Variants in ATP8A2 observed in about 807,000 individuals in gnomAD.
The protein encoded by ATP8A2 is phospholipid-transporting ATPase IB.
In ATP8A2, 100 loss-of-function variants were observed where a neutral mutation model predicts 165.6. The observed-to-expected ratio is 0.60, with a 90% CI of 0.51 to 0.71. The LOEUF (loss-of-function observed/expected upper bound fraction) is 0.71. Among genes scored for constraint, ATP8A2 ranks in the 30% least tolerant of loss-of-function variants. The probability of loss-of-function intolerance (pLI) is 0.00; values close to 1 mark genes in which losing one functional copy is unlikely to be tolerated. For missense variants in ATP8A2, 1,227 were observed against 1,479.5 expected, an observed-to-expected ratio of 0.83 and a Z score of 2.80; for synonymous variants, 543 against 548.8, an observed-to-expected ratio of 0.99 and a Z score of 0.15.
intron 33 of ATP8A2, among the ~76,000 whole-genome samples, chr13:25,919,977 G>A (rs1295913096): frequency 3.3e-5 from 5 of 152,004 alleles, no homozygotes; most frequent in Admixed American, 6.6e-5. Context: ...TATACAAACA[G>A]GGGTCTCGCT....
chr13:25,890,313 G>A (rs1298648651), intron 33 of ATP8A2, among the ~76,000 whole-genome samples: 2 of 152,174 alleles, frequency 1.3e-5, no homozygotes, highest in African/African-American at 2.4e-5. Flanking sequence ...CTTTGAAAGT[G>A]GAGACAGATC....
intron 24 of ATP8A2, among the ~76,000 whole-genome samples, chr13:25,695,409 G>A (rs1026726467): frequency 4.6e-5 from 7 of 152,132 alleles, no homozygotes; most frequent in Admixed American, 1.3e-4. Context: ...CTCAAAATAA[G>A]ACAACAATAA....
At chr13:25,715,718 G>T (rs1253251140) in intron 25 of ATP8A2, among the ~76,000 whole-genome samples, 1 of 152,170 alleles carries the variant, frequency 6.6e-6, no homozygotes, top group Non-Finnish European at 1.5e-5. Flanking sequence ...GGATAGTTAG[G>T]TTGTTTTTAC....
intron 36 of ATP8A2, among the ~76,000 whole-genome samples, chr13:26,013,515 AAATAC>A (rs1429699884): frequency 1.3e-5 from 2 of 152,142 alleles, no homozygotes; most frequent in Non-Finnish European, 2.9e-5. Flanking sequence ...TCTCTACTAA[AAATAC>A]AAAATTAGCT....
intron 24 of ATP8A2, among the ~76,000 whole-genome samples, chr13:25,638,259 A>G (rs2041423106): frequency 6.6e-6 from 1 of 152,232 alleles, no homozygotes; most frequent in Admixed American, 6.5e-5. Context: ...TGGATGGAGA[A>G]TGACTTTGAT....
chr13:25,653,747 A>G (rs2041866835), intron 24 of ATP8A2, among the ~76,000 whole-genome samples: 1 of 152,198 alleles, frequency 6.6e-6, no homozygotes, highest in African/African-American at 2.4e-5. Context: ...AACTTTGGCA[A>G]TGTGGAGATT....
At chr13:25,531,425 ATATATGAT>A (rs2038102361) in intron 4 of ATP8A2, among the ~76,000 whole-genome samples, 2 of 74,048 alleles carry the variant, frequency 2.7e-5, no homozygotes, top group South Asian at 7.1e-4. Context: ...TATATGATAT[ATATATGAT>A]TATATATATG....
At chr13:25,441,215 G>A (rs2034922947) in intron 1 of ATP8A2, among the ~76,000 whole-genome samples, 1 of 152,188 alleles carries the variant, frequency 6.6e-6, no homozygotes, top group Non-Finnish European at 1.5e-5. Context: ...TGAAATGGCT[G>A]CTAAAGTATA....
intron 24 of ATP8A2, among the ~76,000 whole-genome samples, chr13:25,660,258 C>T (rs60373790): frequency 0.035 from 5,338 of 152,232 alleles, 158 homozygotes; most frequent in East Asian, 0.13. Context: ...TTCATTTCAA[C>T]GTTTGTGTGA....
intron 25 of ATP8A2, among the ~76,000 whole-genome samples, chr13:25,723,607 A>T (rs890999110): frequency 1.3e-5 from 2 of 152,134 alleles, no homozygotes; most frequent in African/African-American, 4.8e-5. Flanking sequence ...TTGAAGCTGG[A>T]TAATTCAGTT....
intron 24 of ATP8A2, among the ~76,000 whole-genome samples, chr13:25,643,791 A>G (rs2041600240): frequency 6.6e-6 from 1 of 151,044 alleles, no homozygotes; most frequent in Non-Finnish European, 1.5e-5. Context: ...TCTCTTCATG[A>G]AAAATGACTT....
chr13:25,838,756 TA>T (rs1205729427), intron 29 of ATP8A2, among the ~76,000 whole-genome samples: 1 of 152,260 alleles, frequency 6.6e-6, no homozygotes, highest in East Asian at 1.9e-4. Context: ...CTTTAATAGT[TA>T]ATAACTCGAG....
intron 35 of ATP8A2, among the ~76,000 whole-genome samples, chr13:25,994,852 G>T (rs887934714): frequency 6.6e-6 from 1 of 151,976 alleles, no homozygotes; most frequent in Non-Finnish European, 1.5e-5. Flanking sequence ...TAATGTCTTT[G>T]TATGGACTGG....
intron 1 of ATP8A2, among the ~76,000 whole-genome samples, chr13:25,373,179 G>A (rs2032490161): frequency 6.6e-6 from 1 of 152,208 alleles, no homozygotes; most frequent in East Asian, 1.9e-4. Context: ...ACTGCGGCAA[G>A]TTTGCAGGTA....
chr13:25,623,841 A>G (rs780455602), intron 24 of ATP8A2, among the ~76,000 whole-genome samples: 37 of 152,186 alleles, frequency 2.4e-4, no homozygotes, highest in Admixed American at 4.6e-4. Context: ...TGCATAGATT[A>G]TAAATGCATA....
chr13:25,627,763 A>G (rs2041140222), intron 24 of ATP8A2, among the ~76,000 whole-genome samples: 1 of 152,190 alleles, frequency 6.6e-6, no homozygotes, highest in African/African-American at 2.4e-5. Flanking sequence ...ATTAACTGAG[A>G]TGGAGCTATC....
rs953295673 is a variant in ATP8A2 at position 25,859,345 on chromosome 13, A to C, written c.2957-850A>C. Among the ~76,000 whole-genome samples the C allele has an allele frequency of 2.0e-5, 3 of 152,174 alleles. No individual in the cohort carries two copies. In the South Asian group the frequency reaches 6.2e-4, roughly 31 times the overall value. On this transcript the variant is annotated intron_variant, in intron 30 of 36. Transcript: ENST00000381655. ...ACCTTTGTAACAAACCTGCGCATGT[A>C]CCCCAAAATCTAAAACAAAAGTTGG... is the stretch of plus-strand genomic sequence containing the variant.
At chr13:25,925,036 G>A in intron 33 of ATP8A2, among the ~76,000 whole-genome samples, 1 of 152,162 alleles carries the variant, frequency 6.6e-6, no homozygotes, top group East Asian at 1.9e-4. Context: ...AGCAGCATGA[G>A]AACAGACTAA....
chr13:25,383,044 C>T (rs959483782), intron 1 of ATP8A2, among the ~76,000 whole-genome samples: 19 of 143,324 alleles, frequency 1.3e-4, no homozygotes, highest in East Asian at 1.3e-3. Context: ...TGTGAGCCAC[C>T]ACACCCAGCC....
Sources: allele counts gnomAD v4.1 joint callset (sites outside exome capture counted in the v4.1 genomes callset), GRCh38; gene constraint gnomAD v4.1.1; transcripts MANE v1.5; gene names NCBI Gene and HGNC (gene_info 2026-07-23, HGNC 2026-07-21).